PIK3C2G: variants seen among roughly 807,000 people sequenced by gnomAD.
PIK3C2G encodes phosphatidylinositol 3-kinase C2 domain-containing subunit gamma.
PIK3C2G carries 168 observed loss-of-function variants against 181.1 expected under a neutral mutation model. That is an observed-to-expected ratio of 0.93 (90% CI 0.82 to 1.05). The LOEUF (loss-of-function observed/expected upper bound fraction) is 1.05. PIK3C2G is among the 50% of genes least tolerant of loss of function. PIK3C2G has a pLI of 0.00. For synonymous variants in PIK3C2G, 573 were observed against 592.2 expected (o/e 0.97, Z 0.47); for missense variants, 1,869 against 1,732.8 (o/e 1.08, Z -1.40).
Position 18,399,687 on chromosome 12 carries a change from T to C in PIK3C2G, c.2155T>C (p.Trp719Arg), listed in dbSNP as rs1370792459. The change falls in exon 16 of 33, where the codon TGG (tryptophan) becomes CGG (arginine). Residue 719 changes from tryptophan to arginine, a missense_variant. Physicochemically the swap from Trp to Arg is moderately radical, Grantham distance 101. Transcript: ENST00000538779. The part of the protein sequence containing the change: ...LLSEEKKRYL[W>R]FYRFYCNNEN... ...CTCTGAAGAAAAGAAAAGATATTTATGGTTTTATCGCTTCTACTGCAATAA... is the reference window on the plus strand; with the variant it reads ...CTCTGAAGAAAAGAAAAGATATTTACGGTTTTATCGCTTCTACTGCAATAA... 1.3e-5 allele frequency: 20 copies of C among 1,582,346 alleles called. No individual in the cohort carries two copies. The highest frequency in any genetic ancestry group is 1.7e-5 in the Admixed American group (1 of 58,738).
intron 29 of PIK3C2G, among the ~76,000 whole-genome samples, chr12:18,568,481 G>A (rs1008961543): frequency 6.6e-6 from 1 of 151,926 alleles, no homozygotes; most frequent in African/African-American, 2.4e-5. Flanking sequence ...CATGATTGTG[G>A]AGGTGCAAAT....
intron 31 of PIK3C2G, among the ~76,000 whole-genome samples, chr12:18,618,323 A>G (rs1029252713): frequency 6.6e-6 from 1 of 152,202 alleles, no homozygotes; most frequent in Admixed American, 6.6e-5. Context: ...CTAACTCTGT[A>G]TATAAATCTA....
At chr12:18,693,574 C>T in the PIK3C2G span, 22 of 1,598,318 alleles carry the variant, frequency 1.4e-5, no homozygotes, top group East Asian at 6.7e-5. Flanking sequence ...GGCCCAAACT[C>T]GGACGGGAAT....
intron 31 of PIK3C2G, among the ~76,000 whole-genome samples, chr12:18,633,517 A>C (rs588685): frequency 6.6e-6 from 1 of 152,052 alleles, no homozygotes; most frequent in African/African-American, 2.4e-5. Context: ...CAAACCTTCA[A>C]GACGGGTCTG....
chr12:18,556,783 AAAC>A, intron 26 of PIK3C2G, among the ~76,000 whole-genome samples: 1 of 152,190 alleles, frequency 6.6e-6, no homozygotes, highest in Non-Finnish European at 1.5e-5. Context: ...TCATAAGTGC[AAAC>A]AACATCTTTA....
chr12:18,537,205 C>A (rs1476288721), intron 24 of PIK3C2G, among the ~76,000 whole-genome samples: 1 of 151,716 alleles, frequency 6.6e-6, no homozygotes, highest in African/African-American at 2.4e-5. Flanking sequence ...TAAGCATAAG[C>A]AACAAAAAGA....
chr12:18,262,820 A>G (rs1193013462), intron 1 of PIK3C2G, among the ~76,000 whole-genome samples: 2 of 152,168 alleles, frequency 1.3e-5, no homozygotes, highest in African/African-American at 4.8e-5. Context: ...CAATTCTCTC[A>G]GAGCTTAGGA....
intron 6 of PIK3C2G, among the ~76,000 whole-genome samples, chr12:18,319,575 A>G (rs748608982): frequency 7.9e-5 from 12 of 152,206 alleles, no homozygotes; most frequent in Non-Finnish European, 1.5e-4. Context: ...AAAAGGTACT[A>G]TGACTAATAC....
Position 18,381,800 on chromosome 12 carries a change from A to T in PIK3C2G, c.1915A>T (p.Thr639Ser), listed in dbSNP as rs773234038. The T allele has an allele frequency of 6.2e-7, 1 of 1,613,520 alleles. No homozygotes were observed. Among genetic ancestry groups the T allele is most frequent in the Non-Finnish European group, 8.5e-7 (1 of 1,179,458 alleles). The part of the protein sequence containing the change: ...SILGSMLFSM[T>S]LQSEPPVEMI... ...TCTCGGGTCTATGCTGTTCAGCATGACATTACAGAGTGAGCCTCCCGTAGA... is the reference window on the plus strand; with the variant it reads ...TCTCGGGTCTATGCTGTTCAGCATGTCATTACAGAGTGAGCCTCCCGTAGA... Residue 639 changes from threonine to serine, a missense_variant, in exon 14 of 33, where the codon ACA becomes TCA. Coordinates refer to ENST00000538779, the MANE Select transcript of PIK3C2G (RefSeq NM_001288772.2).
chr12:18,628,622 C>T (rs983214970), intron 31 of PIK3C2G, among the ~76,000 whole-genome samples: 2 of 152,130 alleles, frequency 1.3e-5, no homozygotes, highest in Non-Finnish European at 2.9e-5. Flanking sequence ...AGTTTTGCAA[C>T]CTGAAATAAT....
chr12:18,683,076 T>G, the PIK3C2G span: 1 of 676,660 alleles, frequency 1.5e-6, no homozygotes, highest in Non-Finnish European at 2.5e-6. Context: ...TTTTCTTTTC[T>G]TCCACTGATT....
intron 26 of PIK3C2G, among the ~76,000 whole-genome samples, chr12:18,551,771 T>C (rs185572110): frequency 1.8e-3 from 267 of 152,208 alleles, no homozygotes; most frequent in African/African-American, 5.5e-3. Context: ...CAGAAACCAA[T>C]AGGGCTTGGC....
At chr12:18,379,249 C>A (rs1047086931) in intron 13 of PIK3C2G, among the ~76,000 whole-genome samples, 4 of 151,196 alleles carry the variant, frequency 2.6e-5, no homozygotes, top group African/African-American at 9.7e-5. Context: ...TCATTCTCAG[C>A]AAACTATCAC....
At position 18,408,657 on chromosome 12, in the gene PIK3C2G, G is replaced by T. The variant is rs148382101; in HGVS notation, c.2315+8810G>T. On this transcript the variant is annotated intron_variant, in intron 16 of 32. Transcript: ENST00000538779. ...AATGGGAGAAAATTTTTGTAATCTA[G>T]CCATCTGACAAAGGGCTAATATTCA... Among the ~76,000 whole-genome samples, 1,412 of 152,032 alleles carry T rather than the reference G, an allele frequency of 9.3e-3. 14 individuals are homozygous for T. Among genetic ancestry groups the T allele is most frequent in the African/African-American group, 0.027 (1,115 of 41,494 alleles).
intron 6 of PIK3C2G, among the ~76,000 whole-genome samples, chr12:18,317,952 C>T (rs1044477808): frequency 2.0e-5 from 3 of 152,198 alleles, no homozygotes; most frequent in African/African-American, 7.2e-5. Context: ...ACTACCTAAG[C>T]AGTAGCTATT....
chr12:18,694,220 T>A, the PIK3C2G span: 1 of 619,026 alleles, frequency 1.6e-6, no homozygotes, highest in Non-Finnish European at 2.9e-6. Context: ...CAAAACATCC[T>A]GTGTCTTTTG....
chr12:18,376,503 CT>C (rs972526455), intron 13 of PIK3C2G, among the ~76,000 whole-genome samples: 27 of 152,250 alleles, frequency 1.8e-4, no homozygotes, highest in African/African-American at 6.3e-4. Flanking sequence ...AGACTTTGGA[CT>C]TGGACTTCAG....
intron 5 of PIK3C2G, among the ~76,000 whole-genome samples, chr12:18,297,887 T>C (rs561613914): frequency 6.6e-4 from 100 of 152,188 alleles, no homozygotes; most frequent in African/African-American, 2.3e-3. Context: ...CAGTATTCCA[T>C]TGTGTATGTA....
In PIK3C2G at chr12:18,269,933, G is replaced by A. The variant is rs544123738; in HGVS notation, c.-79+8356G>A. Among the ~76,000 whole-genome samples the A allele has an allele frequency of 1.7e-4, 19 of 114,686 alleles. No homozygotes were observed. In the South Asian group the frequency reaches 4.7e-3, roughly 29 times the overall value. The allele number at this position is 114,686 out of a possible 152,430, so 75.2% of individuals were successfully genotyped here. The stretch of plus-strand genomic sequence containing the variant: ...TTTTCTTTTTTTTTTTTTTTGAGAT[G>A]GCATCTCTCTCCGTTACCCAGGCTG... On this transcript the variant is annotated intron_variant, in intron 1 of 32. Transcript: ENST00000538779.
Sources: allele counts gnomAD v4.1 joint callset (sites outside exome capture counted in the v4.1 genomes callset), GRCh38; gene constraint gnomAD v4.1.1; transcripts MANE v1.5; gene names NCBI Gene and HGNC (gene_info 2026-07-23, HGNC 2026-07-21).